Variants in CPN2 observed in about 807,000 individuals in gnomAD.
CPN2 encodes carboxypeptidase N subunit 2, also known as carboxypeptidase N 83 kDa chain.
For synonymous variants in CPN2, 336 were observed against 318.4 expected (o/e 1.06, Z -0.59); for missense variants, 620 against 671.4 (o/e 0.92, Z 0.85).
intron 1 of CPN2, among the ~76,000 whole-genome samples, chr3:194,349,153 G>A (rs575301181): frequency 6.6e-6 from 1 of 152,304 alleles, no homozygotes; most frequent in Non-Finnish European, 1.5e-5. Flanking sequence ...CTGAGATCAA[G>A]AGTTCAAGAC....
In CPN2 at chr3:194,341,461, G is replaced by A. The variant is rs371124293; in HGVS notation, c.1242C>T (p.Thr414=). 2.5e-5 allele frequency: 40 copies of A among 1,614,094 alleles called. No homozygotes were observed. The highest frequency in any genetic ancestry group is 4.4e-5 in the South Asian group (4 of 91,094). The change falls in exon 2 of 2, where the codon ACC becomes ACT. Residue 414 remains threonine, a synonymous_variant. Transcript: ENST00000323830. ...AGGTCTGGATGTTCAGGAGCCGATC[G>A]GTGTACTGCTGCAGCCAGTTGAAGA... The part of the protein sequence containing the change: ...AYLFNWLQQY[T]DRLLNIQTYC...
At chr3:194,351,075 C>T (rs1275443118) in intron 1 of CPN2, among the ~76,000 whole-genome samples, 167 bp downstream of exon 1, 7 of 152,316 alleles carry the variant, frequency 4.6e-5, no homozygotes, top group Non-Finnish European at 1.0e-4. Context: ...CCCAGCAGCG[C>T]CCTAGCTGAG....
At position 194,346,810 on chromosome 3, in the gene CPN2, C is replaced by A. The variant is rs1017045226; in HGVS notation, c.-3-4105G>T. On this transcript the variant is annotated intron_variant, in intron 1 of 1. Coordinates refer to ENST00000323830, the MANE Select transcript of CPN2 (RefSeq NM_001080513.4). ...GTGCAGCCCCAGCTCTGTGCTGAAG[C>A]AGTCATGGGTTAGCTAGGGAGAAAC... 3.5e-4 allele frequency among the ~76,000 whole-genome samples: 54 copies of A among 152,342 alleles called. 1 individual carries two copies. The highest frequency in any genetic ancestry group is 1.3e-3 in the African/African-American group (52 of 41,588).
In CPN2 at chr3:194,342,708, A is replaced by G; in HGVS notation, c.-3-3T>C. 2.5e-6 allele frequency: 3 copies of G among 1,207,364 alleles called. No individual in the cohort carries two copies. The highest frequency in any genetic ancestry group is 3.6e-6 in the Non-Finnish European group (3 of 833,202). The allele number at this position is 1,207,364 out of a possible 1,614,324, so 74.8% of individuals were successfully genotyped here. A position where few individuals can be genotyped will look rare whatever the true frequency, so the allele number is the denominator to read the frequency against. On this transcript the variant is annotated splice_region_variant and splice_polypyrimidine_tract_variant and intron_variant, in intron 1 of 1. Coordinates refer to ENST00000323830, the MANE Select transcript of CPN2 (RefSeq NM_001080513.4). ...AGCCAGGCTCCAGGGAGCATCTTCT[A>G]GATTCGAGGAGGGAGAGAGAACAGG... is the stretch of plus-strand genomic sequence containing the variant.
chr3:194,346,166 G>A (rs1300724426), intron 1 of CPN2, among the ~76,000 whole-genome samples: 1 of 152,230 alleles, frequency 6.6e-6, no homozygotes, highest in African/African-American at 2.4e-5. Flanking sequence ...CGGAGCTACA[G>A]TGACTGGCCC....
In CPN2 at chr3:194,342,408, G is replaced by A. The variant is rs1413149352; in HGVS notation, c.295C>T (p.Leu99=). 6.2e-7 allele frequency: 1 copy of A among 1,614,248 alleles called. No homozygotes were observed. Among genetic ancestry groups the A allele is most frequent in the Non-Finnish European group, 8.5e-7 (1 of 1,180,040 alleles). Residue 99 remains leucine (L), a synonymous_variant, in exon 2 of 2, where the codon CTG becomes TTG. Coordinates refer to ENST00000323830, the MANE Select transcript of CPN2 (RefSeq NM_001080513.4). ...RPDAFGGLPR[L]EDLEVTGSSF... is the part of the protein sequence containing the mutation. Reference sequence around the variant, plus strand: ...CTGCCTGTGACCTCCAGGTCCTCCAGCCTGGGCAGCCCCCCGAAGGCATCC... The same window carrying A: ...CTGCCTGTGACCTCCAGGTCCTCCAACCTGGGCAGCCCCCCGAAGGCATCC...
At chr3:194,345,508 A>G (rs1713012381) in intron 1 of CPN2, among the ~76,000 whole-genome samples, 1 of 152,188 alleles carries the variant, frequency 6.6e-6, no homozygotes, top group Non-Finnish European at 1.5e-5. Context: ...TATTTTTACC[A>G]TGCCATAATA....
Position 194,341,421 on chromosome 3 carries a change from C to T in CPN2, c.1282G>A (p.Ala428Thr), listed in dbSNP as rs755559701. The T allele has an allele frequency of 1.2e-6, 2 of 1,614,052 alleles. No individual in the cohort carries two copies. Among genetic ancestry groups the T allele is most frequent in the African/African-American group, 1.3e-5 (1 of 74,926 alleles). Residue 428 changes from alanine to threonine, a missense_variant, in exon 2 of 2, where the codon GCC becomes ACC. Ala to Thr is a moderately conservative substitution (Grantham distance 58, BLOSUM62 0). Coordinates refer to ENST00000323830, the MANE Select transcript of CPN2 (RefSeq NM_001080513.4). ...GGCACCACCTGGCCTTTGAGGTAGG[C>T]AGGGCCAGCGCAGTAGGTCTGGATG... is the stretch of plus-strand genomic sequence containing the variant. ...LNIQTYCAGP[A>T]YLKGQVVPAL...
At position 194,342,641 on chromosome 3, in the gene CPN2, G is replaced by A. The variant is rs1402857790; in HGVS notation, c.62C>T (p.Pro21Leu). 6.2e-7 allele frequency: 1 copy of A among 1,609,518 alleles called. No individual in the cohort carries two copies. The highest frequency in any genetic ancestry group is 1.7e-4 in the Middle Eastern group (1 of 6,046). Residue 21 changes from proline to leucine, a missense_variant, in exon 2 of 2, where the codon CCC (proline) becomes CTC (leucine). By Grantham distance (98) the Pro-to-Leu change is moderately conservative (BLOSUM62 -3). Transcript: ENST00000323830. ...GAAGCAGTCACAACCCATGGGACAG[G>A]GCTGGGCAGGCCTGGCCAGGAGCAG... ...SLLLLARPAQ[P>L]CPMGCDCFVQ...
At chr3:194,351,111 G>T (rs972308433) in intron 1 of CPN2, 131 bp downstream of exon 1, 3 of 152,260 alleles carry the variant, frequency 2.0e-5, no homozygotes, top group Non-Finnish European at 4.4e-5. Context: ...TCCTCCCGGG[G>T]CAGGGGCCCC....
intron 1 of CPN2, among the ~76,000 whole-genome samples, chr3:194,349,573 CTCTT>C (rs1243937344): frequency 6.6e-6 from 1 of 152,096 alleles, no homozygotes; most frequent in Non-Finnish European, 1.5e-5. Flanking sequence ...GCTTACTTGA[CTCTT>C]TCCTTCCTGG....
At position 194,342,805 on chromosome 3, in the gene CPN2, C is replaced by T. The variant is rs866516532; in HGVS notation, c.-3-100G>A. ...AGTGACCAGGGCATAGTGACCAGAG[C>T]ACTGGACAGCGAGCTCCAACATGCG... is the stretch of plus-strand genomic sequence containing the variant. On this transcript the variant is annotated intron_variant, in intron 1 of 1. Coordinates refer to ENST00000323830, the MANE Select transcript of CPN2 (RefSeq NM_001080513.4). 1.3e-5 allele frequency: 8 copies of T among 614,966 alleles called. No individual in the cohort carries two copies. The South Asian group carries it at 1.6e-4, about 12-fold the overall frequency. 38.1% of individuals were successfully genotyped at this position (614,966 alleles called of 1,614,324 possible).
chr3:194,344,093 T>G (rs1340348780), intron 1 of CPN2, among the ~76,000 whole-genome samples: 1 of 152,178 alleles, frequency 6.6e-6, no homozygotes, highest in Non-Finnish European at 1.5e-5. Flanking sequence ...TCGCTGGCTG[T>G]CTCTCTGCTG....
chr3:194,341,771 T>C lies in CPN2; in HGVS notation c.932A>G (p.His311Arg), dbSNP rs1712837262. 6.2e-7 allele frequency: 1 copy of C among 1,613,760 alleles called. No homozygotes were observed. Among genetic ancestry groups the C allele is most frequent in the African/African-American group, 1.3e-5 (1 of 74,870 alleles). Residue 311 changes from histidine (H) to arginine (R), a missense_variant, in exon 2 of 2, where the codon CAC becomes CGC. By Grantham distance (29) the His-to-Arg change is conservative. Coordinates refer to ENST00000323830, the MANE Select transcript of CPN2 (RefSeq NM_001080513.4). ...LETVAEGTFA[H>R]LSNLRSLMLS... ...CATGAGGGAACGCAGGTTGGACAGG[T>C]GGGCAAAGGTGCCCTCAGCGACAGT... is the stretch of plus-strand genomic sequence containing the variant.
chr3:194,346,198 G>A (rs1176417609), intron 1 of CPN2, among the ~76,000 whole-genome samples: 1 of 152,234 alleles, frequency 6.6e-6, no homozygotes. Context: ...ACACAGAAGC[G>A]AGGGGCCAGG....
In CPN2 at chr3:194,349,108, C is replaced by A. The variant is rs548815602; in HGVS notation, c.-4+2134G>T. 2.6e-3 allele frequency among the ~76,000 whole-genome samples: 390 copies of A among 152,274 alleles called. 2 individuals carry two copies. The highest frequency in any genetic ancestry group is 4.0e-3 in the Non-Finnish European group (269 of 68,022). The stretch of plus-strand genomic sequence containing the variant: ...TGGCACTGTGGCTCACACCTGTAAT[C>A]CCAGCACTTTGGGAGGCTGAGGCGG... On this transcript the variant is annotated intron_variant, in intron 1 of 1. Coordinates refer to ENST00000323830, the MANE Select transcript of CPN2 (RefSeq NM_001080513.4).
At position 194,341,292 on chromosome 3, in the gene CPN2, C is replaced by T; in HGVS notation, c.1411G>A (p.Ala471Thr). The T allele has an allele frequency of 6.2e-7, 1 of 1,613,524 alleles. No homozygotes were observed. Residue 471 changes from alanine to threonine, a missense_variant, in exon 2 of 2, where the codon GCT (alanine) becomes ACT (threonine). By Grantham distance (58) the Ala-to-Thr change is moderately conservative. Coordinates refer to ENST00000323830, the MANE Select transcript of CPN2 (RefSeq NM_001080513.4). ...ESKAGGSWDL[A>T]VQERAARSQC... ...CTCCGGGCTGCCCTTTCCTGCACAG[C>T]CAGATCCCAGCTGCCCCCTGCCTTG...
chr3:194,349,778 CTTTTTTTTTTTTTTTTTTTTTTTTTTT>C (rs757478492), intron 1 of CPN2, among the ~76,000 whole-genome samples: 1 of 65,538 alleles, frequency 1.5e-5, no homozygotes, highest in South Asian at 7.9e-4. Context: ...CTACCCTCTT[CTTTTTTTTTTTTTTTTTTTTTTTTTTT>C]TTTTTTTTTT....
rs1338174322 is a variant in CPN2 at position 194,343,873 on chromosome 3, C to CA, written c.-3-1169dup. On this transcript the variant is annotated intron_variant, in intron 1 of 1. Coordinates refer to ENST00000323830, the MANE Select transcript of CPN2 (RefSeq NM_001080513.4). ...CATTGTTAAAGGTTGCAAGCTACCT[C>CA]ATTACAGAAAAGGTTATTTGAACAC... is the stretch of plus-strand genomic sequence containing the variant. Among the ~76,000 whole-genome samples the CA allele has an allele frequency of 2.0e-5, 3 of 152,246 alleles. No homozygotes were observed. The East Asian group carries it at 5.8e-4, about 29-fold the overall frequency.
Sources: gnomAD v4.1 joint callset for allele counts (sites outside exome capture counted in the v4.1 genomes callset) on GRCh38, gnomAD v4.1.1 for gene constraint, MANE v1.5 for transcripts, NCBI Gene and HGNC (gene_info 2026-07-23, HGNC 2026-07-21) for gene names.